Variants in SLC35F4 observed in about 807,000 individuals in gnomAD.
SLC35F4 encodes solute carrier family 35 member F4, also known as chromosome 14 open reading frame 36.
In SLC35F4, 24 loss-of-function variants were observed where a neutral mutation model predicts 44.2. That is an observed-to-expected ratio of 0.54 (90% CI 0.39 to 0.76). The LOEUF (loss-of-function observed/expected upper bound fraction) is 0.76, where lower values mean the gene tolerates loss of function less well. SLC35F4 is among the 30% of genes least tolerant of loss of function. The pLI is 0.00. For missense variants in SLC35F4, 562 were observed against 586.1 expected (o/e 0.96, Z 0.42); for synonymous variants, 238 against 223.6 (o/e 1.06, Z -0.57).
At position 57,926,730 on chromosome 14, in the gene SLC35F4, G is replaced by C. The variant is rs879479177; in HGVS notation, n.282+55183C>G. Reference sequence around the variant, plus strand: ...ATATAACAATGAAGTAGGGTTGGGGGGGGGGGGTGGATATATATAGCCAAA... The same window carrying C: ...ATATAACAATGAAGTAGGGTTGGGGCGGGGGGGTGGATATATATAGCCAAA... On this transcript the variant is annotated intron_variant and non_coding_transcript_variant, in intron 1 of 1. Coordinates refer to the SLC35F4 transcript ENST00000556568. Among the ~76,000 whole-genome samples, 12 of 128,992 alleles carry C rather than the reference G, an allele frequency of 9.3e-5. No homozygotes were observed. In the South Asian group the frequency reaches 1.9e-3, roughly 20 times the overall value. 84.6% of individuals were successfully genotyped at this position (128,992 alleles called of 152,430 possible).
chr14:57,927,075 T>A (rs1438383930), intron 1 of SLC35F4, among the ~76,000 whole-genome samples: 1 of 152,196 alleles, frequency 6.6e-6, no homozygotes, highest in Non-Finnish European at 1.5e-5. Context: ...ATATGTGACC[T>A]GCCTCAGAGA....
At chr14:57,733,780 T>C (rs1014476722) in intron 1 of SLC35F4, among the ~76,000 whole-genome samples, 2 of 152,140 alleles carry the variant, frequency 1.3e-5, no homozygotes, top group Non-Finnish European at 2.9e-5. Flanking sequence ...ATTCAGGGCC[T>C]AGGCATGTTA....
chr14:57,916,791 C>G (rs1889338197), intron 1 of SLC35F4, among the ~76,000 whole-genome samples: 1 of 152,222 alleles, frequency 6.6e-6, no homozygotes, highest in African/African-American at 2.4e-5. Context: ...TGTAACAAAC[C>G]TGCACATGTA....
intron 1 of SLC35F4, among the ~76,000 whole-genome samples, chr14:57,950,687 T>TTTTTTTTTTA (rs1890120928): frequency 2.0e-5 from 3 of 150,622 alleles, no homozygotes; most frequent in South Asian, 2.1e-4. Context: ...TTTTTTTTTT[T>TTTTTTTTTTA]GAGACAGAGT....
chr14:57,572,149 T>G, intron 4 of SLC35F4, 130 bp from the exon 5 acceptor site: 1 of 1,026,116 alleles, frequency 9.7e-7, no homozygotes, highest in Non-Finnish European at 1.4e-6. Flanking sequence ...TCACTTTAAA[T>G]GTAGGAAGGC....
chr14:57,585,987 C>T (rs1030424040), intron 3 of SLC35F4, among the ~76,000 whole-genome samples: 20 of 152,162 alleles, frequency 1.3e-4, no homozygotes, highest in African/African-American at 4.1e-4. Context: ...CTTTAAACTT[C>T]ATCTGAAACC....
At chr14:57,698,870 C>T (rs755827561) in intron 1 of SLC35F4, among the ~76,000 whole-genome samples, 2 of 152,092 alleles carry the variant, frequency 1.3e-5, no homozygotes, top group East Asian at 3.9e-4. Flanking sequence ...AGGAGATCCA[C>T]GCACCTCGGC....
Position 57,581,414 on chromosome 14 carries a change from C to CA in SLC35F4, c.606dup (p.Gly203TrpfsTer2), listed in dbSNP as rs1232719576. 1.9e-6 allele frequency: 3 copies of CA among 1,610,766 alleles called. No homozygotes were observed. The highest frequency in any genetic ancestry group is 1.7e-5 in the Admixed American group (1 of 59,572). ...AGTTTCAGCGTCAGACCATCTTCAC[C>CA]AAAAATCCGACTGCATTCCCTAGGA... On this transcript the variant is annotated frameshift_variant, in exon 4 of 8. Transcript: ENST00000556826. LOFTEE classifies it high-confidence loss of function.
chr14:57,982,869 G>A (rs1428063218), upstream of SLC35F4, among the ~76,000 whole-genome samples: 1 of 152,040 alleles, frequency 6.6e-6, no homozygotes, highest in East Asian at 1.9e-4. Flanking sequence ...GGCCTCACCC[G>A]CATTGAGTCT....
chr14:57,736,956 T>TC (rs1308610310), intron 1 of SLC35F4, among the ~76,000 whole-genome samples: 1 of 152,064 alleles, frequency 6.6e-6, no homozygotes, highest in Admixed American at 6.6e-5. Flanking sequence ...CTGTTTTTTT[T>TC]CTATAAATCA....
At chr14:57,905,449 C>A (rs1306215407) in intron 1 of SLC35F4, among the ~76,000 whole-genome samples, 1 of 152,170 alleles carries the variant, frequency 6.6e-6, no homozygotes, top group African/African-American at 2.4e-5. Context: ...GTGTGAATAC[C>A]AGGAGGTCAG....
chr14:57,780,154 G>C (rs750582253), intron 1 of SLC35F4, among the ~76,000 whole-genome samples: 1 of 152,174 alleles, frequency 6.6e-6, no homozygotes, highest in Non-Finnish European at 1.5e-5. Context: ...ATCCCTGTTT[G>C]CAGATGACAT....
At chr14:57,939,217 G>A (rs935127106) in intron 1 of SLC35F4, among the ~76,000 whole-genome samples, 3 of 152,126 alleles carry the variant, frequency 2.0e-5, no homozygotes, top group Admixed American at 6.5e-5. Context: ...AGATTCTGGC[G>A]TGGAAGGGAT....
intron 1 of SLC35F4, among the ~76,000 whole-genome samples, chr14:57,826,233 C>T (rs1397774607): frequency 3.9e-5 from 6 of 151,910 alleles, no homozygotes; most frequent in Non-Finnish European, 5.9e-5. Context: ...ATCTGATCTA[C>T]AAAAAGCTCA....
At chr14:57,822,443 C>A (rs534202243) in intron 1 of SLC35F4, among the ~76,000 whole-genome samples, 23 of 152,234 alleles carry the variant, frequency 1.5e-4, no homozygotes, top group African/African-American at 5.3e-4. Context: ...CAGTTGCAGA[C>A]CTATGGGAAG....
chr14:57,746,585 G>C (rs2076760029), intron 1 of SLC35F4, among the ~76,000 whole-genome samples: 1 of 151,854 alleles, frequency 6.6e-6, no homozygotes, highest in South Asian at 2.1e-4. Context: ...TTTCATGAGG[G>C]ATATCAGTAT....
chr14:57,586,881 A>G (rs1702179046), intron 3 of SLC35F4, among the ~76,000 whole-genome samples: 1 of 151,838 alleles, frequency 6.6e-6, no homozygotes, highest in Admixed American at 6.6e-5. Context: ...ACAGAATGGG[A>G]AAAAAATTTT....
intron 1 of SLC35F4, among the ~76,000 whole-genome samples, chr14:57,716,275 C>T (rs1456811989): frequency 1.4e-5 from 2 of 145,778 alleles, no homozygotes; most frequent in Non-Finnish European, 3.0e-5. Flanking sequence ...TTGAGGGTAC[C>T]AGGTAATTTC....
chr14:57,839,954 A>T (rs1185240853), intron 1 of SLC35F4, among the ~76,000 whole-genome samples: 2 of 152,162 alleles, frequency 1.3e-5, no homozygotes, highest in Non-Finnish European at 2.9e-5. Context: ...AAACATGCAC[A>T]CTTCATTCTA....
Sources: allele counts gnomAD v4.1 joint callset (sites outside exome capture counted in the v4.1 genomes callset), GRCh38; gene constraint gnomAD v4.1.1; transcripts MANE v1.5; gene names NCBI Gene and HGNC (gene_info 2026-07-23, HGNC 2026-07-21).